SLC12A1: variants seen among roughly 807,000 people sequenced by gnomAD.
The protein encoded by SLC12A1 is solute carrier family 12 member 1.
In SLC12A1, 89 loss-of-function variants were observed where a neutral mutation model predicts 130.4. The observed-to-expected ratio is 0.68, with a 90% CI of 0.58 to 0.81. The LOEUF (loss-of-function observed/expected upper bound fraction) is 0.81. Ranked by LOEUF, SLC12A1 falls within the 40% of genes least tolerant of loss-of-function variation. The pLI is 0.00. For missense variants in SLC12A1, 1,310 were observed against 1,336.4 expected (o/e 0.98, Z 0.31); for synonymous variants, 499 against 460.0 (o/e 1.08, Z -1.09).
chr15:48,220,474 A>G (rs554508652), intron 2 of SLC12A1, among the ~76,000 whole-genome samples, 160 bp from the exon 3 acceptor site: 39 of 152,322 alleles, frequency 2.6e-4, no homozygotes, highest in Non-Finnish European at 4.3e-4. Flanking sequence ...CTTCCAGGGC[A>G]AAAAATATAA....
At chr15:48,209,697 T>C (rs2041029664) in intron 2 of SLC12A1, among the ~76,000 whole-genome samples, 1 of 152,164 alleles carries the variant, frequency 6.6e-6, no homozygotes, top group Admixed American at 6.5e-5. Flanking sequence ...AATCTTTCTT[T>C]AGTTTCTGCT....
At chr15:48,246,782 AAAC>A in intron 11 of SLC12A1, 124 bp from the exon 12 acceptor site, 2 of 692,122 alleles carry the variant, frequency 2.9e-6, no homozygotes, top group Non-Finnish European at 5.3e-6. Context: ...TGTCTCAAAC[AAAC>A]AACAACAACA....
At chr15:48,263,385 A>G (rs1394762321) in intron 17 of SLC12A1, among the ~76,000 whole-genome samples, 2 of 152,102 alleles carry the variant, frequency 1.3e-5, no homozygotes, top group African/African-American at 4.8e-5. Context: ...TATCAAGTAC[A>G]TTATGTTGTG....
At chr15:48,270,391 C>T (rs573206780) in intron 19 of SLC12A1, among the ~76,000 whole-genome samples, 24 of 152,062 alleles carry the variant, frequency 1.6e-4, no homozygotes, top group Non-Finnish European at 2.1e-4. Context: ...ATTTAATTCT[C>T]ATAAGAAGAT....
intron 19 of SLC12A1, 77 bp from the exon 20 acceptor site, chr15:48,274,494 G>A (rs2041929822): frequency 1.1e-6 from 1 of 880,266 alleles, no homozygotes; most frequent in African/African-American, 1.6e-5. Flanking sequence ...AATCCTAGAA[G>A]CAAGTGTAAT....
intron 5 of SLC12A1, chr15:48,227,956 T>C (rs1257439899): frequency 6.6e-6 from 1 of 152,186 alleles, no homozygotes; most frequent in Non-Finnish European, 1.5e-5. Context: ...GGGGATTTGC[T>C]CCACCCAGAC....
At chr15:48,267,145 G>A (rs1308105489) in intron 17 of SLC12A1, among the ~76,000 whole-genome samples, 4 of 152,180 alleles carry the variant, frequency 2.6e-5, no homozygotes, top group Non-Finnish European at 5.9e-5. Context: ...CTCCCATGGA[G>A]CTCTGTCCAT....
intron 17 of SLC12A1, among the ~76,000 whole-genome samples, chr15:48,260,328 C>CCTCT (rs148763702): frequency 5.3e-5 from 6 of 114,198 alleles, no homozygotes; most frequent in African/African-American, 9.9e-5. Flanking sequence ...ACTTGTATTC[C>CCTCT]CTCTCTCTCT....
At chr15:48,297,212 C>T (rs1483745122) in intron 24 of SLC12A1, among the ~76,000 whole-genome samples, 1 of 152,252 alleles carries the variant, frequency 6.6e-6, no homozygotes, top group East Asian at 1.9e-4. Context: ...GGACTATCTA[C>T]TCGCTCATGT....
Position 48,303,011 on chromosome 15 carries a change from T to C in SLC12A1, c.*126T>C, listed in dbSNP as rs7165179. The stretch of plus-strand genomic sequence containing the variant: ...CTCTGGAGAGGATCCTACCAGATTC[T>C]ACATACATTGCATAATTTTTATCAG... On this transcript the variant is annotated 3_prime_UTR_variant, in exon 27 of 27. Coordinates refer to ENST00000380993, the MANE Select transcript of SLC12A1 (RefSeq NM_000338.3). The C allele has an allele frequency of 0.011, 6,922 of 649,058 alleles. 398 individuals are homozygous for C. In the African/African-American group the frequency reaches 0.12, roughly 11 times the overall value. The allele number at this position is 649,058 out of a possible 1,614,324, so 40.2% of individuals were successfully genotyped here.
chr15:48,281,649 C>G (rs2042008995), intron 20 of SLC12A1, among the ~76,000 whole-genome samples: 1 of 152,154 alleles, frequency 6.6e-6, no homozygotes, highest in Admixed American at 6.5e-5. Context: ...GCCCAAGTTT[C>G]CTTTTTGGTA....
chr15:48,259,529 C>G (rs2041746532), intron 17 of SLC12A1, among the ~76,000 whole-genome samples: 1 of 152,102 alleles, frequency 6.6e-6, no homozygotes, highest in Admixed American at 6.5e-5. Context: ...CATAAGAGAC[C>G]AACTAAAAGT....
At chr15:48,298,094 T>A (rs1325406335) in intron 24 of SLC12A1, among the ~76,000 whole-genome samples, 1 of 152,248 alleles carries the variant, frequency 6.6e-6, no homozygotes, top group African/African-American at 2.4e-5. Context: ...TCTGCACTTT[T>A]ATCTGCAAAT....
chr15:48,221,173 C>G (rs1398807714), intron 4 of SLC12A1, among the ~76,000 whole-genome samples, 177 bp downstream of exon 4: 3 of 152,236 alleles, frequency 2.0e-5, no homozygotes, highest in African/African-American at 4.8e-5. Flanking sequence ...GAAGAGTTAA[C>G]TCCTATGAAA....
intron 2 of SLC12A1, among the ~76,000 whole-genome samples, chr15:48,218,537 A>G (rs1401317806): frequency 6.6e-6 from 1 of 152,178 alleles, no homozygotes; most frequent in Non-Finnish European, 1.5e-5. Flanking sequence ...TGGCAAGGGC[A>G]AGAGCTTCAA....
intron 1 of SLC12A1, among the ~76,000 whole-genome samples, chr15:48,206,797 A>G (rs1475686452): frequency 6.6e-6 from 1 of 152,164 alleles, no homozygotes; most frequent in East Asian, 1.9e-4. Flanking sequence ...AACATAGCAG[A>G]GGACTTTTTT....
rs1262435425 is a variant in SLC12A1 at position 48,249,638 on chromosome 15, A to G, written c.1748A>G (p.Asn583Ser). The G allele has an allele frequency of 1.9e-6, 3 of 1,613,836 alleles. No homozygotes were observed. The highest frequency in any genetic ancestry group is 2.5e-6 in the Non-Finnish European group (3 of 1,179,810). ...NFFLASYALI[N>S]FSCFHASYAK... ...TTCCTGGCCTCATATGCACTTATTA[A>G]TTTCTCCTGCTTCCATGCCTCTTAT... is the stretch of plus-strand genomic sequence containing the variant. The change falls in exon 14 of 27, where the codon AAT becomes AGT. Residue 583 changes from asparagine (N) to serine (S), a missense_variant. By Grantham distance (46) the Asn-to-Ser change is conservative (BLOSUM62 1). Coordinates refer to ENST00000380993, the MANE Select transcript of SLC12A1 (RefSeq NM_000338.3).
chr15:48,246,975 T>G lies in SLC12A1; in HGVS notation c.1519T>G (p.Ser507Ala), dbSNP rs1249174995. 6.2e-7 allele frequency: 1 copy of G among 1,613,978 alleles called. No homozygotes were observed. Among genetic ancestry groups the G allele is most frequent in the East Asian group, 2.2e-5 (1 of 44,886 alleles). Residue 507 changes from serine (S) to alanine (A), a missense_variant, in exon 12 of 27, where the codon TCC becomes GCC. Transcript: ENST00000380993. ...GGGAATCTTTTCTGCAACACTCTCC[T>G]CCGCCCTGGCCTCCCTTGTCAGCGC... is the stretch of plus-strand genomic sequence containing the variant. ...TAGIFSATLS[S>A]ALASLVSAPK...
chr15:48,246,256 A>G (rs1035115427), intron 11 of SLC12A1, among the ~76,000 whole-genome samples: 4 of 152,196 alleles, frequency 2.6e-5, no homozygotes, highest in Admixed American at 2.0e-4. Context: ...AAAGACTAGT[A>G]AACAGCTGAG....
Sources: allele counts gnomAD v4.1 joint callset (sites outside exome capture counted in the v4.1 genomes callset), GRCh38; gene constraint gnomAD v4.1.1; transcripts MANE v1.5; gene names NCBI Gene and HGNC (gene_info 2026-07-23, HGNC 2026-07-21).